The following TRABD2B variants were observed in gnomAD, a reference collection of about 807,000 sequenced individuals.
TRABD2B encodes the protein metalloprotease TIKI2.
In TRABD2B, 14 loss-of-function variants were observed where a neutral mutation model predicts 40.1. That is an observed-to-expected ratio of 0.35 (90% CI 0.23 to 0.55). The LOEUF (loss-of-function observed/expected upper bound fraction) is 0.55, where lower values mean the gene tolerates loss of function less well. Among genes scored for constraint, TRABD2B ranks in the 20% least tolerant of loss-of-function variants. The pLI, the probability that TRABD2B is intolerant of heterozygous loss-of-function variation, is 0.90. For synonymous variants in TRABD2B, 263 were observed against 277.0 expected (o/e 0.95, Z 0.50); for missense variants, 541 against 648.6 (o/e 0.83, Z 1.80).
At chr1:47,848,788 T>C (rs1408636046) in intron 2 of TRABD2B, among the ~76,000 whole-genome samples, 1 of 152,238 alleles carries the variant, frequency 6.6e-6, no homozygotes, top group Non-Finnish European at 1.5e-5. Context: ...TGGGAAATCA[T>C]GGCCTGTCAA....
chr1:47,768,332 G>A (rs1057274417), intron 6 of TRABD2B, among the ~76,000 whole-genome samples: 1 of 20,882 alleles, frequency 4.8e-5, no homozygotes, highest in Non-Finnish European at 9.5e-5. Context: ...TGTGGAAGTG[G>A]GGGGGGAGGG....
At chr1:47,951,917 CT>C (rs1474433184) in intron 2 of TRABD2B, among the ~76,000 whole-genome samples, 1 of 152,212 alleles carries the variant, frequency 6.6e-6, no homozygotes, top group Non-Finnish European at 1.5e-5. Flanking sequence ...CTCCCGTGTC[CT>C]TTTTTTCTAG....
intron 2 of TRABD2B, among the ~76,000 whole-genome samples, chr1:47,876,671 C>T (rs915440641): frequency 1.2e-4 from 19 of 152,210 alleles, no homozygotes; most frequent in Non-Finnish European, 2.4e-4. Flanking sequence ...TTCCCCTGGC[C>T]CAGCCGGGGG....
intron 3 of TRABD2B, among the ~76,000 whole-genome samples, chr1:47,798,545 C>T (rs1030424320): frequency 2.0e-5 from 3 of 152,170 alleles, no homozygotes; most frequent in Non-Finnish European, 2.9e-5. Flanking sequence ...GGATGAGGTG[C>T]CCCTGGCCCC....
intron 2 of TRABD2B, among the ~76,000 whole-genome samples, chr1:47,807,462 G>T (rs1644907591): frequency 6.6e-6 from 1 of 152,198 alleles, no homozygotes; most frequent in South Asian, 2.1e-4. Flanking sequence ...ATGCCGCCAG[G>T]TTAAGAACCA....
intron 2 of TRABD2B, among the ~76,000 whole-genome samples, chr1:47,949,266 C>T (rs1439898473): frequency 6.6e-6 from 1 of 151,948 alleles, no homozygotes; most frequent in Non-Finnish European, 1.5e-5. Flanking sequence ...AAACTGAGGC[C>T]CAGAGAGCTG....
intron 2 of TRABD2B, among the ~76,000 whole-genome samples, chr1:47,910,418 T>G (rs1469386381): frequency 6.6e-6 from 1 of 152,216 alleles, no homozygotes; most frequent in Non-Finnish European, 1.5e-5. Flanking sequence ...CAGCTCTGTC[T>G]GTCCAGGATG....
intron 3 of TRABD2B, among the ~76,000 whole-genome samples, chr1:47,796,673 G>A (rs957676583): frequency 2.0e-5 from 3 of 152,216 alleles, no homozygotes; most frequent in Non-Finnish European, 2.9e-5. Context: ...GGATGAACAA[G>A]ACAATAATAT....
In TRABD2B at chr1:47,765,604, A is replaced by C; in HGVS notation, c.*298T>G. ...CCCCTCCCGGGCCAGCACTAGGGCTAGGGGGTTATAACACAGGCCACATAA... is the reference window on the plus strand; with the variant it reads ...CCCCTCCCGGGCCAGCACTAGGGCTCGGGGGTTATAACACAGGCCACATAA... On this transcript the variant is annotated 3_prime_UTR_variant, in exon 7 of 7. Transcript: ENST00000606738. The C allele has an allele frequency of 1.7e-5, 7 of 418,878 alleles. No individual in the cohort carries two copies. The highest frequency in any genetic ancestry group is 5.3e-5 in the East Asian group (1 of 18,966). 25.9% of individuals were successfully genotyped at this position (418,878 alleles called of 1,614,324 possible).
chr1:47,765,274 G>C lies in TRABD2B; in HGVS notation c.*628C>G, dbSNP rs1243075829. On this transcript the variant is annotated 3_prime_UTR_variant, in exon 7 of 7. Coordinates refer to ENST00000606738, the MANE Select transcript of TRABD2B (RefSeq NM_001194986.2). ...ACCTCCCACCCCACCCCAGCGCTTTGGTTGAAAACACTTACCAAGAGCTCT... is the reference window on the plus strand; with the variant it reads ...ACCTCCCACCCCACCCCAGCGCTTTCGTTGAAAACACTTACCAAGAGCTCT... The C allele has an allele frequency of 1.3e-5, 2 of 152,446 alleles. No individual in the cohort carries two copies. The highest frequency in any genetic ancestry group is 2.9e-5 in the Non-Finnish European group (2 of 68,270). 9.4% of individuals were successfully genotyped at this position (152,446 alleles called of 1,614,324 possible).
At chr1:47,809,469 G>A (rs2124336525) in intron 2 of TRABD2B, among the ~76,000 whole-genome samples, 1 of 152,340 alleles carries the variant, frequency 6.6e-6, no homozygotes, top group East Asian at 1.9e-4. Flanking sequence ...CCATGGTGCA[G>A]AGCTGGGAGG....
intron 2 of TRABD2B, among the ~76,000 whole-genome samples, chr1:47,934,057 T>A (rs1399009779): frequency 6.6e-6 from 1 of 152,250 alleles, no homozygotes; most frequent in African/African-American, 2.4e-5. Context: ...AAAGCTGATG[T>A]TATTAAACAC....
At chr1:47,786,352 G>T (rs556363490) in intron 4 of TRABD2B, among the ~76,000 whole-genome samples, 1 of 152,354 alleles carries the variant, frequency 6.6e-6, no homozygotes, top group East Asian at 1.9e-4. Flanking sequence ...CTTCACTGAT[G>T]GAGCAGCCCT....
chr1:47,793,789 A>G (rs1644707695), intron 4 of TRABD2B, among the ~76,000 whole-genome samples: 1 of 152,228 alleles, frequency 6.6e-6, no homozygotes, highest in Non-Finnish European at 1.5e-5. Context: ...TATAGAAGGA[A>G]ACAAAGAGTG....
intron 2 of TRABD2B, among the ~76,000 whole-genome samples, chr1:47,983,623 T>C (rs1302220824): frequency 6.6e-6 from 1 of 152,112 alleles, no homozygotes; most frequent in African/African-American, 2.4e-5. Context: ...ATACAGGGTC[T>C]GGTTCTCAAA....
intron 3 of TRABD2B, among the ~76,000 whole-genome samples, chr1:47,798,543 TGCCCCTG>T (rs1289793307): frequency 6.6e-6 from 1 of 152,122 alleles, no homozygotes; most frequent in Non-Finnish European, 1.5e-5. Context: ...AAGGATGAGG[TGCCCCTG>T]GCCCCTTTCC....
chr1:47,869,101 C>G (rs1009427045), intron 2 of TRABD2B, among the ~76,000 whole-genome samples: 1 of 152,124 alleles, frequency 6.6e-6, no homozygotes, highest in Non-Finnish European at 1.5e-5. Context: ...CTGTGCTTCC[C>G]CCATAAGAAT....
chr1:47,949,555 G>A (rs898468589), intron 2 of TRABD2B, among the ~76,000 whole-genome samples: 5 of 151,712 alleles, frequency 3.3e-5, no homozygotes, highest in South Asian at 2.1e-4. Context: ...TTACAGGTGC[G>A]TGCCACCATG....
intron 2 of TRABD2B, among the ~76,000 whole-genome samples, chr1:47,838,655 C>T (rs1202654598): frequency 6.6e-6 from 1 of 152,198 alleles, no homozygotes; most frequent in Non-Finnish European, 1.5e-5. Context: ...TTTGGTGACA[C>T]TTGTAAGGAG....
Sources: gnomAD v4.1 joint callset for allele counts (sites outside exome capture counted in the v4.1 genomes callset) on GRCh38, gnomAD v4.1.1 for gene constraint, MANE v1.5 for transcripts, NCBI Gene and HGNC (gene_info 2026-07-23, HGNC 2026-07-21) for gene names.